TRABD2A: variants seen among roughly 807,000 people sequenced by gnomAD.
TRABD2A encodes TraB domain containing 2A, also known as metalloprotease TIKI1.
A neutral mutation model predicts 45.6 loss-of-function variants in TRABD2A; 43 were observed. That is an observed-to-expected ratio of 0.94 (90% CI 0.74 to 1.22). The LOEUF is 1.22. Ranked by LOEUF, TRABD2A falls within the 50% of genes most tolerant of loss-of-function variation. TRABD2A has a pLI of 0.00. For synonymous variants in TRABD2A, 269 were observed against 265.0 expected (o/e 1.02, Z -0.15); for missense variants, 642 against 652.4 (o/e 0.98, Z 0.17).
intron 2 of TRABD2A, among the ~76,000 whole-genome samples, chr2:84,867,690 A>G (rs535273472): frequency 9.2e-5 from 14 of 152,248 alleles, no homozygotes; most frequent in Non-Finnish European, 1.8e-4. Context: ...TACTTATCTG[A>G]CAAAGGGCTA....
In TRABD2A at chr2:84,839,314, A is replaced by G; in HGVS notation, c.826T>C (p.Phe276Leu). 6.2e-7 allele frequency: 1 copy of G among 1,607,026 alleles called. No individual in the cohort carries two copies. The highest frequency in any genetic ancestry group is 8.5e-7 in the Non-Finnish European group (1 of 1,177,108). ...TGAGGTGGTAGCGTGGCATTAATAAAATTGGGAACCTCCACCAAAATAAAG... is the reference window on the plus strand; with the variant it reads ...TGAGGTGGTAGCGTGGCATTAATAAGATTGGGAACCTCCACCAAAATAAAG... ...LSHDSSQVPN[F>L]INATLPPQER... Residue 276 changes from phenylalanine (F) to leucine (L), a missense_variant, in exon 4 of 7, where the codon TTT becomes CTT. Phe to Leu is a conservative substitution (Grantham distance 22). Transcript: ENST00000409520.
At chr2:84,873,446 C>T (rs781749704) in intron 1 of TRABD2A, among the ~76,000 whole-genome samples, 5 of 152,034 alleles carry the variant, frequency 3.3e-5, no homozygotes, top group Admixed American at 1.3e-4. Flanking sequence ...AATTAAAAAC[C>T]ATTGATTGTT....
chr2:84,836,357 T>G (rs1193298966), intron 4 of TRABD2A: 1 of 152,250 alleles, frequency 6.6e-6, no homozygotes, highest in African/African-American at 2.4e-5. Flanking sequence ...TATTTCAGCA[T>G]TTTGAGTATG....
chr2:84,854,543 C>G (rs1006777966), intron 2 of TRABD2A, among the ~76,000 whole-genome samples: 7 of 152,150 alleles, frequency 4.6e-5, no homozygotes, highest in Non-Finnish European at 8.8e-5. Context: ...AATGGGGGAG[C>G]CAGGATTCAA....
intron 2 of TRABD2A, among the ~76,000 whole-genome samples, chr2:84,846,399 A>G (rs1044335350): frequency 3.1e-4 from 47 of 152,356 alleles, no homozygotes; most frequent in Admixed American, 1.6e-3. Context: ...AGCTTCTCAC[A>G]GATTAAAACC....
intron 1 of TRABD2A, among the ~76,000 whole-genome samples, chr2:84,877,204 C>T (rs1218434628): frequency 2.0e-5 from 3 of 151,890 alleles, no homozygotes; most frequent in South Asian, 4.2e-4. Context: ...TGCCCACTGG[C>T]GAGCCCCCGG....
At chr2:84,844,185 C>T (rs1559089206) in intron 2 of TRABD2A, among the ~76,000 whole-genome samples, 2 of 152,096 alleles carry the variant, frequency 1.3e-5, no homozygotes. Context: ...TGGCTGTGTT[C>T]CCACCCAAAT....
At chr2:84,863,597 CTTTTTTTTTTTTT>C (rs55952015) in intron 2 of TRABD2A, among the ~76,000 whole-genome samples, 1 of 78,100 alleles carries the variant, frequency 1.3e-5, no homozygotes, top group Non-Finnish European at 2.3e-5. Flanking sequence ...TTCAAATTTT[CTTTTTTTTTTTTT>C]TTTTTTTTTT....
chr2:84,823,434 C>A (rs1573912068), intron 6 of TRABD2A, among the ~76,000 whole-genome samples: 3 of 152,280 alleles, frequency 2.0e-5, no homozygotes, highest in Admixed American at 2.0e-4. Context: ...CTGCTCCCAG[C>A]CTCTCTGGGG....
At position 84,838,083 on chromosome 2, in the gene TRABD2A, T is replaced by C. The variant is rs1478780943; in HGVS notation, c.991+1066A>G. 5.0e-6 allele frequency: 3 copies of C among 596,826 alleles called. No individual in the cohort carries two copies. The African/African-American group carries it at 5.7e-5, about 11-fold the overall frequency. The allele number at this position is 596,826 out of a possible 1,614,324, so 37.0% of individuals were successfully genotyped here. Reference sequence around the variant, plus strand: ...ATGAAGACAAGCTTGGGAATGGAAATTTCAGGGAACTATTGGACATGTCAA... The same window carrying C: ...ATGAAGACAAGCTTGGGAATGGAAACTTCAGGGAACTATTGGACATGTCAA... On this transcript the variant is annotated intron_variant, in intron 4 of 6. Coordinates refer to ENST00000409520, the MANE Select transcript of TRABD2A (RefSeq NM_001277053.2).
At chr2:84,846,857 T>C (rs1365321305) in intron 2 of TRABD2A, among the ~76,000 whole-genome samples, 1 of 152,218 alleles carries the variant, frequency 6.6e-6, no homozygotes, top group African/African-American at 2.4e-5. Context: ...GGAGCCAGAA[T>C]ACTCCCCTGA....
At chr2:84,840,705 C>T (rs972393519) in intron 3 of TRABD2A, among the ~76,000 whole-genome samples, 1 of 152,214 alleles carries the variant, frequency 6.6e-6, no homozygotes, top group South Asian at 2.1e-4. Flanking sequence ...TTTTCTCCCC[C>T]CTTCCCTACC....
chr2:84,871,256 C>T (rs888991425), intron 1 of TRABD2A, among the ~76,000 whole-genome samples: 1 of 152,174 alleles, frequency 6.6e-6, no homozygotes, highest in African/African-American at 2.4e-5. Flanking sequence ...CAGGGGCCTC[C>T]AAGGATATAC....
chr2:84,837,458 T>C (rs1274865095), intron 4 of TRABD2A: 1 of 152,260 alleles, frequency 6.6e-6, no homozygotes, highest in Non-Finnish European at 1.5e-5. Flanking sequence ...TTGTTTTTAT[T>C]GAAAACTAGA....
Position 84,832,050 on chromosome 2 carries a change from G to A in TRABD2A, c.1082+5C>T, listed in dbSNP as rs753391644. On this transcript the variant is annotated splice_donor_5th_base_variant and intron_variant, in intron 5 of 6. Transcript: ENST00000409520. ...CCAGCCAAGATAGAAGCACAGGACG[G>A]TTACTTGTGGATGGGTCGTCCAGCA... 6 of 1,613,948 alleles carry A rather than the reference G, an allele frequency of 3.7e-6. No individual in the cohort carries two copies. The South Asian group carries it at 6.6e-5, about 18-fold the overall frequency.
chr2:84,843,328 T>G (rs1470530675), intron 2 of TRABD2A, among the ~76,000 whole-genome samples: 5 of 152,114 alleles, frequency 3.3e-5, no homozygotes, highest in Non-Finnish European at 5.9e-5. Flanking sequence ...ATGTTTCAAC[T>G]CTCCAGAGAC....
At chr2:84,840,705 C>A (rs972393519) in intron 3 of TRABD2A, among the ~76,000 whole-genome samples, 5 of 152,332 alleles carry the variant, frequency 3.3e-5, no homozygotes, top group East Asian at 1.9e-4. Flanking sequence ...TTTTCTCCCC[C>A]CTTCCCTACC....
At chr2:84,859,185 A>G (rs1682412805) in intron 2 of TRABD2A, among the ~76,000 whole-genome samples, 1 of 152,216 alleles carries the variant, frequency 6.6e-6, no homozygotes, top group African/African-American at 2.4e-5. Context: ...GCAGGAAGGA[A>G]ATGATTCTGG....
chr2:84,822,762 C>G (rs1446261952), intron 6 of TRABD2A, among the ~76,000 whole-genome samples: 3 of 152,228 alleles, frequency 2.0e-5, no homozygotes, highest in Admixed American at 2.0e-4. Flanking sequence ...TTCTCCAGGT[C>G]CCATCTGGCT....
Sources: gnomAD v4.1 joint callset for allele counts (sites outside exome capture counted in the v4.1 genomes callset) on GRCh38, gnomAD v4.1.1 for gene constraint, MANE v1.5 for transcripts, NCBI Gene and HGNC (gene_info 2026-07-23, HGNC 2026-07-21) for gene names.